The following ARHGEF10 variants were observed in gnomAD, a reference collection of about 807,000 sequenced individuals.
ARHGEF10 encodes the protein Rho guanine nucleotide exchange factor 10.
ARHGEF10 carries 140 observed loss-of-function variants against 147.4 expected under a neutral mutation model. The ratio of observed to expected loss-of-function variants is 0.95; its 90% CI spans 0.83 to 1.09. The LOEUF is 1.09. Ranked by LOEUF, ARHGEF10 falls within the 50% of genes least tolerant of loss-of-function variation. The probability of loss-of-function intolerance (pLI) is 0.00; values close to 1 mark genes in which losing one functional copy is unlikely to be tolerated. For missense variants in ARHGEF10, 2,222 were observed against 1,752.7 expected (o/e 1.27, Z -4.78); for synonymous variants, 902 against 695.8 (o/e 1.30, Z -4.67).
intron 27 of ARHGEF10, among the ~76,000 whole-genome samples, chr8:1,947,798 C>G (rs1013814871): frequency 2.0e-5 from 3 of 150,314 alleles, no homozygotes; most frequent in African/African-American, 7.4e-5. Context: ...CCGCCCGCCT[C>G]CCTACTGCTG....
chr8:1,887,447 T>G, intron 11 of ARHGEF10, among the ~76,000 whole-genome samples: 1 of 139,476 alleles, frequency 7.2e-6, no homozygotes, highest in African/African-American at 2.9e-5. Context: ...TGTGAGGAGA[T>G]ACTGAGTGGG....
chr8:1,836,332 T>C (rs931008675), intron 1 of ARHGEF10, among the ~76,000 whole-genome samples: 2 of 150,748 alleles, frequency 1.3e-5, no homozygotes, highest in South Asian at 4.2e-4. Flanking sequence ...GGGGATAGAG[T>C]GTTTTGAAAG....
intron 5 of ARHGEF10, among the ~76,000 whole-genome samples, chr8:1,865,290 G>C (rs894991214): frequency 3.3e-5 from 5 of 152,078 alleles, no homozygotes; most frequent in South Asian, 2.1e-4. Flanking sequence ...CCATCACCAG[G>C]ACATGGGGCA....
At chr8:1,829,507 T>C (rs1345780423) in intron 1 of ARHGEF10, among the ~76,000 whole-genome samples, 1 of 152,170 alleles carries the variant, frequency 6.6e-6, no homozygotes, top group Non-Finnish European at 1.5e-5. Context: ...CTCAAGCACT[T>C]GACTCAGCAG....
intron 1 of ARHGEF10, among the ~76,000 whole-genome samples, chr8:1,830,855 G>A (rs977481879): frequency 1.3e-4 from 20 of 152,384 alleles, no homozygotes; most frequent in African/African-American, 4.8e-4. Flanking sequence ...GAGGCGCCAA[G>A]AGAATGGGGT....
intron 2 of ARHGEF10, 44 bp from the exon 3 acceptor site, chr8:1,857,916 A>T: frequency 2.1e-6 from 3 of 1,420,734 alleles, no homozygotes; most frequent in Non-Finnish European, 3.0e-6. Flanking sequence ...CTATCTATCT[A>T]TCTATCTATC....
chr8:1,905,598 A>C lies in ARHGEF10; in HGVS notation c.1849A>C (p.Ile617Leu). 2 of 1,614,204 alleles carry C rather than the reference A, an allele frequency of 1.2e-6. No individual in the cohort carries two copies. Among genetic ancestry groups the C allele is most frequent in the Non-Finnish European group, 1.7e-6 (2 of 1,180,030 alleles). Residue 617 changes from isoleucine (I) to leucine (L), a missense_variant, in exon 17 of 29, where the codon ATT becomes CTT. By Grantham distance (5) the Ile-to-Leu change is conservative (BLOSUM62 2). Coordinates refer to ENST00000349830, the MANE Select transcript of ARHGEF10 (RefSeq NM_014629.4). ...TCTCAGCAGTGGAAGCCGATACCTC[A>C]TTCGATCAGATGATATGATAGAAAC... ...KLLSSGSRYL[I>L]RSDDMIETVY...
intron 24 of ARHGEF10, 25 bp from the exon 25 acceptor site, chr8:1,929,261 A>C (rs1275830308): frequency 1.2e-6 from 2 of 1,612,106 alleles, no homozygotes; most frequent in Non-Finnish European, 1.7e-6. Flanking sequence ...AAATATATTT[A>C]TTAGCTTGTA....
chr8:1,892,327 GTT>G (rs1172755128), intron 11 of ARHGEF10, among the ~76,000 whole-genome samples: 4 of 133,166 alleles, frequency 3.0e-5, no homozygotes, highest in African/African-American at 1.1e-4. Context: ...GTGTGTGTGT[GTT>G]TAATCCCAGC....
chr8:1,891,581 G>A (rs1809531848), intron 11 of ARHGEF10, among the ~76,000 whole-genome samples: 1 of 152,166 alleles, frequency 6.6e-6, no homozygotes, highest in Admixed American at 6.5e-5. Context: ...TCCCAGCTCA[G>A]GCCTAGGAGC....
Position 1,933,845 on chromosome 8 carries a change from T to A in ARHGEF10, c.3125T>A (p.Val1042Asp), listed in dbSNP as rs1813349962. Residue 1042 changes from valine to aspartate, a missense_variant, in exon 26 of 29, where the codon GTC becomes GAC. By Grantham distance (152) the Val-to-Asp change is radical. Transcript: ENST00000349830. ...CCTCAAAAAGTGATCAAGTTAGGCGTCCTACCAGTTAGAAGTCTACTCATG... is the reference window on the plus strand; with the variant it reads ...CCTCAAAAAGTGATCAAGTTAGGCGACCTACCAGTTAGAAGTCTACTCATG... ...SEPQKVIKLG[V>D]LPVRSLLMME... The A allele has an allele frequency of 6.2e-7, 1 of 1,614,192 alleles. No homozygotes were observed. Among genetic ancestry groups the A allele is most frequent in the Admixed American group, 1.7e-5 (1 of 60,024 alleles).
chr8:1,870,006 A>AC (rs1806964852), intron 7 of ARHGEF10: 2 of 153,760 alleles, frequency 1.3e-5, no homozygotes, highest in Admixed American at 1.3e-4. Flanking sequence ...AGCACACTGA[A>AC]CCACGGAGGA....
intron 26 of ARHGEF10, among the ~76,000 whole-genome samples, chr8:1,936,238 G>T (rs549612288): frequency 6.6e-6 from 1 of 152,228 alleles, no homozygotes; most frequent in Non-Finnish European, 1.5e-5. Flanking sequence ...CTCTGGGCCG[G>T]GCACAGCGGC....
chr8:1,831,890 G>C (rs1803134126), intron 1 of ARHGEF10, among the ~76,000 whole-genome samples: 2 of 152,214 alleles, frequency 1.3e-5, no homozygotes, highest in Non-Finnish European at 2.9e-5. Flanking sequence ...GAGTGCCCTG[G>C]AGGGTGGCAC....
intron 2 of ARHGEF10, among the ~76,000 whole-genome samples, chr8:1,855,067 C>T (rs959744491): frequency 6.6e-6 from 1 of 152,034 alleles, no homozygotes; most frequent in African/African-American, 2.4e-5. Context: ...GGCCTTCCTT[C>T]CTGAAGACTT....
intron 17 of ARHGEF10, among the ~76,000 whole-genome samples, chr8:1,905,972 A>G (rs562248245): frequency 6.6e-6 from 1 of 152,364 alleles, no homozygotes; most frequent in Admixed American, 6.5e-5. Context: ...TGGCGGAACT[A>G]GAAACTCAAT....
At chr8:1,832,983 CAGAG>C (rs1464461665) in intron 1 of ARHGEF10, among the ~76,000 whole-genome samples, 1 of 13,600 alleles carries the variant, frequency 7.4e-5, no homozygotes. Flanking sequence ...CAGAGAGAGA[CAGAG>C]ACAGAGGCAG....
intron 15 of ARHGEF10, among the ~76,000 whole-genome samples, chr8:1,902,322 G>A (rs1810533553): frequency 6.6e-6 from 1 of 152,162 alleles, no homozygotes; most frequent in Admixed American, 6.5e-5. Flanking sequence ...AAAAGGCCCT[G>A]CATAAAACCA....
intron 7 of ARHGEF10, chr8:1,870,396 T>A (rs955289293): frequency 3.3e-5 from 5 of 152,024 alleles, no homozygotes; most frequent in African/African-American, 1.2e-4. Flanking sequence ...GCTTTGCAAA[T>A]CATATGAGAA....
Sources: allele counts gnomAD v4.1 joint callset (sites outside exome capture counted in the v4.1 genomes callset), GRCh38; gene constraint gnomAD v4.1.1; transcripts MANE v1.5; gene names NCBI Gene and HGNC (gene_info 2026-07-23, HGNC 2026-07-21).